The following SOAT1 variants were observed in gnomAD, a reference collection of about 807,000 sequenced individuals.
SOAT1 encodes the protein sterol O-acyltransferase 1.
A neutral mutation model predicts 69.5 loss-of-function variants in SOAT1; 55 were observed. The ratio of observed to expected loss-of-function variants is 0.79; its 90% CI spans 0.64 to 0.99. The LOEUF (loss-of-function observed/expected upper bound fraction) is 0.99. Ranked by LOEUF, SOAT1 falls within the 50% of genes least tolerant of loss-of-function variation. SOAT1 has a pLI of 0.00. For synonymous variants in SOAT1, 231 were observed against 224.7 expected, an observed-to-expected ratio of 1.03 and a Z score of -0.25; for missense variants, 580 against 669.3, an observed-to-expected ratio of 0.87 and a Z score of 1.47.
intron 2 of SOAT1, among the ~76,000 whole-genome samples, chr1:179,318,290 T>C (rs780574044): frequency 5.3e-5 from 8 of 152,020 alleles, no homozygotes; most frequent in Non-Finnish European, 8.8e-5. Flanking sequence ...CATGATTCAG[T>C]GTGAAAATAA....
chr1:179,326,556 T>C (rs1235467258), intron 3 of SOAT1, among the ~76,000 whole-genome samples: 17 of 36,206 alleles, frequency 4.7e-4, no homozygotes, highest in East Asian at 8.3e-3. Context: ...TTTTCTTTTT[T>C]TTTTTTTTTT....
At chr1:179,310,070 T>G (rs1665168978) in intron 2 of SOAT1, among the ~76,000 whole-genome samples, 1 of 152,014 alleles carries the variant, frequency 6.6e-6, no homozygotes, top group South Asian at 2.1e-4. Context: ...CTGCTAATTT[T>G]TGTATTTTTA....
At chr1:179,348,759 GATGTGT>G (rs1558059243) in intron 12 of SOAT1, 79 bp from the exon 13 acceptor site, 3 of 637,538 alleles carry the variant, frequency 4.7e-6, no homozygotes, top group Non-Finnish European at 8.0e-6. Flanking sequence ...TTTCGGGTGG[GATGTGT>G]GTGTGTGTGT....
Position 179,341,115 on chromosome 1 carries a change from A to G in SOAT1, c.585A>G (p.Thr195=). 6.2e-7 allele frequency: 1 copy of G among 1,613,904 alleles called. No homozygotes were observed. Among genetic ancestry groups the G allele is most frequent in the Middle Eastern group, 1.6e-4 (1 of 6,062 alleles). ...VWTWWIMFLS[T]FSVPYFLFQH... is the part of the protein sequence containing the mutation. Reference sequence around the variant, plus strand: ...CCTGGTGGATCATGTTCCTGTCTACATTTTCAGTTCCCTATTTTCTGTTTC... The same window carrying G: ...CCTGGTGGATCATGTTCCTGTCTACGTTTTCAGTTCCCTATTTTCTGTTTC... Residue 195 remains threonine (T), a synonymous_variant, in exon 7 of 16, where the codon ACA becomes ACG. Transcript: ENST00000367619.
At chr1:179,306,849 A>C (rs946921109) in intron 2 of SOAT1, among the ~76,000 whole-genome samples, 1 of 151,084 alleles carries the variant, frequency 6.6e-6, no homozygotes, top group African/African-American at 2.4e-5. Flanking sequence ...AAAAAAAAAA[A>C]AGCAGCACCA....
At position 179,342,158 on chromosome 1, in the gene SOAT1, G is replaced by A; in HGVS notation, c.825G>A (p.Val275=). 6.2e-7 allele frequency: 1 copy of A among 1,613,438 alleles called. No homozygotes were observed. The highest frequency in any genetic ancestry group is 8.5e-7 in the Non-Finnish European group (1 of 1,179,614). Residue 275 remains valine, a synonymous_variant, in exon 8 of 16, where the codon GTG becomes GTA. Transcript: ENST00000367619. The part of the protein sequence containing the change: ...MKAHSFVREN[V]PRVLNSAKEK... ...CCCACTCATTTGTCAGAGAGAACGT[G>A]CCTCGGGTACTAAATTCAGCTAAGG...
At chr1:179,346,775 T>C (rs1447116582) in intron 11 of SOAT1, among the ~76,000 whole-genome samples, 1 of 152,114 alleles carries the variant, frequency 6.6e-6, no homozygotes, top group Non-Finnish European at 1.5e-5. Context: ...CTCCCTCTCC[T>C]CCAATTGTCA....
intron 2 of SOAT1, among the ~76,000 whole-genome samples, chr1:179,306,842 A>AAAAG (rs1665023020): frequency 6.6e-6 from 1 of 151,288 alleles, no homozygotes; most frequent in East Asian, 1.9e-4. Context: ...AAAAAAAAAA[A>AAAAG]AAAAAAAAGC....
chr1:179,294,313 A>T (rs1664554746), intron 1 of SOAT1: 2 of 152,296 alleles, frequency 1.3e-5, no homozygotes. Flanking sequence ...GTGTGAAGGG[A>T]AGGATGGTAT....
In SOAT1 at chr1:179,353,875, C is replaced by G; in HGVS notation, c.*234C>G. 2.0e-6 allele frequency: 1 copy of G among 501,598 alleles called. No individual in the cohort carries two copies. The highest frequency in any genetic ancestry group is 2.7e-5 in the South Asian group (1 of 36,404). The allele number at this position is 501,598 out of a possible 1,614,324, so 31.1% of individuals were successfully genotyped here. ...TGTGGGGCTGGGTGGGGGGAGAAGACCGACTAACAGCTGAAGTAATGACAG... is the reference window on the plus strand; with the variant it reads ...TGTGGGGCTGGGTGGGGGGAGAAGAGCGACTAACAGCTGAAGTAATGACAG... On this transcript the variant is annotated 3_prime_UTR_variant, in exon 16 of 16. Transcript: ENST00000367619.
In SOAT1 at chr1:179,329,423, C is replaced by A. The variant is rs192771130; in HGVS notation, c.177+5928C>A. Among the ~76,000 whole-genome samples, 144 of 152,200 alleles carry A rather than the reference C, an allele frequency of 9.5e-4. 1 individual carries two copies. Among genetic ancestry groups the A allele is most frequent in the Middle Eastern group, 6.8e-3 (2 of 294 alleles). ...CATGTTTTTTCAGTCATTCAAGTAA[C>A]GCCTTCTAAATAAGTTTTTGGTCCG... On this transcript the variant is annotated intron_variant, in intron 3 of 15. Coordinates refer to ENST00000367619, the MANE Select transcript of SOAT1 (RefSeq NM_003101.6).
chr1:179,351,388 T>G lies in SOAT1; in HGVS notation c.1522T>G (p.Phe508Val). ...GAATGTTCTGATGTGGACTTCTCTT[T>G]TCTTGGGCAATGGAGTCTTACTCTG... is the stretch of plus-strand genomic sequence containing the variant. ...IWNVLMWTSL[F>V]LGNGVLLCFY... The change falls in exon 15 of 16, where the codon TTC becomes GTC. Residue 508 changes from phenylalanine to valine, a missense_variant. Coordinates refer to ENST00000367619, the MANE Select transcript of SOAT1 (RefSeq NM_003101.6). The G allele has an allele frequency of 6.2e-7, 1 of 1,614,156 alleles. No individual in the cohort carries two copies. The highest frequency in any genetic ancestry group is 8.5e-7 in the Non-Finnish European group (1 of 1,179,978).
In SOAT1 at chr1:179,357,069, G is replaced by A. The variant is rs1666933065; in HGVS notation, c.*3428G>A. ...AATTTATGTAATACTACATAACAAT[G>A]CTACATATGGTATGTATACATACAC... On this transcript the variant is annotated 3_prime_UTR_variant, in exon 16 of 16. Coordinates refer to ENST00000367619, the MANE Select transcript of SOAT1 (RefSeq NM_003101.6). The A allele has an allele frequency of 6.6e-6, 1 of 152,068 alleles. No individual in the cohort carries two copies. The highest frequency in any genetic ancestry group is 6.6e-5 in the Admixed American group (1 of 15,258). The allele number at this position is 152,068 out of a possible 1,614,324, so 9.4% of individuals were successfully genotyped here.
chr1:179,312,046 A>T (rs952817509), intron 2 of SOAT1, among the ~76,000 whole-genome samples: 1 of 152,256 alleles, frequency 6.6e-6, no homozygotes, highest in Non-Finnish European at 1.5e-5. Context: ...AGGATTTGGT[A>T]CCAAAACTGA....
At chr1:179,348,716 A>C in intron 12 of SOAT1, 128 bp from the exon 13 acceptor site, 1 of 622,772 alleles carries the variant, frequency 1.6e-6, no homozygotes, top group Non-Finnish European at 2.9e-6. Flanking sequence ...TTTTTCTGTT[A>C]CATATGTTCT....
chr1:179,323,409 TA>T, intron 2 of SOAT1, 27 bp from the exon 3 acceptor site: 1 of 1,606,874 alleles, frequency 6.2e-7, no homozygotes, highest in Middle Eastern at 1.7e-4. Flanking sequence ...TCCATCAACT[TA>T]AAAGTCATGT....
In SOAT1 at chr1:179,342,337, CTTTT is replaced by C. The variant is rs965347151; in HGVS notation, c.859+147_859+150del. 6.2e-5 allele frequency: 34 copies of C among 544,860 alleles called. No homozygotes were observed. The African/African-American group carries it at 6.3e-4, about 10-fold the overall frequency. The allele number at this position is 544,860 out of a possible 1,614,324, so 33.8% of individuals were successfully genotyped here. Reference sequence around the variant, plus strand: ...TCTCTTTCTCTTTCTCTCTCTCTCTCTTTTTCTTTTCTTTTCTTTGTGTAATTTC... The same window carrying C: ...TCTCTTTCTCTTTCTCTCTCTCTCTCTCTTTTCTTTTCTTTGTGTAATTTC... On this transcript the variant is annotated intron_variant, in intron 8 of 15. Transcript: ENST00000367619.
chr1:179,323,418 T>C lies in SOAT1; in HGVS notation c.119-19T>C, dbSNP rs760155451. The C allele has an allele frequency of 6.2e-7, 1 of 1,611,522 alleles. No individual in the cohort carries two copies. The highest frequency in any genetic ancestry group is 1.3e-5 in the African/African-American group (1 of 75,002). Reference sequence around the variant, plus strand: ...GCTGTATCCATCAACTTAAAAGTCATGTTTTTTTCTTCCCGTAGGTCGAAT... The same window carrying C: ...GCTGTATCCATCAACTTAAAAGTCACGTTTTTTTCTTCCCGTAGGTCGAAT... On this transcript the variant is annotated intron_variant, in intron 2 of 15. Coordinates refer to ENST00000367619, the MANE Select transcript of SOAT1 (RefSeq NM_003101.6).
intron 2 of SOAT1, among the ~76,000 whole-genome samples, chr1:179,316,389 G>A (rs935668595): frequency 7.9e-5 from 12 of 151,704 alleles, no homozygotes; most frequent in African/African-American, 2.7e-4. Flanking sequence ...TATCTAAGTC[G>A]ATTATTATTA....
Sources: gnomAD v4.1 joint callset for allele counts (sites outside exome capture counted in the v4.1 genomes callset) on GRCh38, gnomAD v4.1.1 for gene constraint, MANE v1.5 for transcripts, NCBI Gene and HGNC (gene_info 2026-07-23, HGNC 2026-07-21) for gene names.